The following PTPRD variants were observed in gnomAD, a reference collection of about 807,000 sequenced individuals.
The protein encoded by PTPRD is receptor-type tyrosine-protein phosphatase delta.
Under a neutral mutation model 214.5 loss-of-function variants are expected in PTPRD, and 34 were observed. The ratio of observed to expected loss-of-function variants is 0.16; its 90% confidence interval spans 0.12 to 0.21. The LOEUF is 0.21. Ranked by LOEUF, PTPRD falls within the 10% of genes least tolerant of loss-of-function variation. The pLI is 1.00. For synonymous variants in PTPRD, 1,128 were observed against 845.7 expected, an observed-to-expected ratio of 1.33 and a Z score of -5.79; for missense variants, 2,545 against 2,398.7, an observed-to-expected ratio of 1.06 and a Z score of -1.27.
intron 8 of PTPRD, among the ~76,000 whole-genome samples, chr9:9,430,432 G>A (rs902870520): frequency 2.0e-5 from 3 of 151,792 alleles, no homozygotes; most frequent in African/African-American, 7.3e-5. Flanking sequence ...AACATTCCAT[G>A]TTCATGGACA....
intron 35 of PTPRD, among the ~76,000 whole-genome samples, chr9:8,416,452 T>C (rs2093943257): frequency 6.6e-6 from 1 of 152,198 alleles, no homozygotes; most frequent in Non-Finnish European, 1.5e-5. Context: ...TTGAACTACT[T>C]TCCAGGAAGA....
chr9:9,493,254 T>A (rs2096002804), intron 8 of PTPRD, among the ~76,000 whole-genome samples: 1 of 152,118 alleles, frequency 6.6e-6, no homozygotes, highest in South Asian at 2.1e-4. Flanking sequence ...AAAGCCTGTA[T>A]GACAACACAT....
At chr9:9,825,602 T>C (rs10816192) in intron 5 of PTPRD, among the ~76,000 whole-genome samples, 15,214 of 152,002 alleles carry the variant, frequency 0.1, 2,309 homozygotes, top group East Asian at 0.74. Flanking sequence ...ATTTTAAATG[T>C]TCACCATTAA....
At chr9:8,864,574 C>T (rs2098163161) in intron 11 of PTPRD, among the ~76,000 whole-genome samples, 2 of 152,176 alleles carry the variant, frequency 1.3e-5, no homozygotes, top group Non-Finnish European at 2.9e-5. Flanking sequence ...TTTAAAGGTT[C>T]TTTCTAACAG....
At chr9:9,399,250 T>C (rs901048104) in intron 8 of PTPRD, among the ~76,000 whole-genome samples, 17 of 151,968 alleles carry the variant, frequency 1.1e-4, no homozygotes, top group Non-Finnish European at 1.2e-4. Context: ...AAAGCACTGG[T>C]TTCTTAATTT....
chr9:8,417,423 C>T (rs901878744), intron 35 of PTPRD, among the ~76,000 whole-genome samples: 4 of 152,114 alleles, frequency 2.6e-5, no homozygotes, highest in Admixed American at 1.3e-4. Context: ...GCTGTATTGG[C>T]AGAAACTACT....
chr9:9,252,782 T>A (rs1213265672), intron 9 of PTPRD, among the ~76,000 whole-genome samples: 1 of 152,102 alleles, frequency 6.6e-6, no homozygotes, highest in Non-Finnish European at 1.5e-5. Context: ...GGGTTATTCA[T>A]TGCTGGGTAC....
intron 3 of PTPRD, among the ~76,000 whole-genome samples, chr9:10,305,117 T>C (rs987223938): frequency 6.6e-6 from 1 of 152,106 alleles, no homozygotes; most frequent in African/African-American, 2.4e-5. Context: ...TACAACCATC[T>C]GATCTTTGAC....
intron 5 of PTPRD, among the ~76,000 whole-genome samples, chr9:9,788,213 A>C (rs1310152520): frequency 6.6e-6 from 1 of 152,006 alleles, no homozygotes; most frequent in Non-Finnish European, 1.5e-5. Flanking sequence ...ACAAGCTCCT[A>C]GTCAAATTTT....
chr9:8,643,170 T>C (rs1232552466), intron 12 of PTPRD, among the ~76,000 whole-genome samples: 1 of 152,214 alleles, frequency 6.6e-6, no homozygotes, highest in African/African-American at 2.4e-5. Context: ...AAATTTGATT[T>C]AAGAAGCATT....
intron 3 of PTPRD, among the ~76,000 whole-genome samples, chr9:10,293,265 T>C (rs772222019): frequency 5.3e-5 from 8 of 151,852 alleles, no homozygotes; most frequent in African/African-American, 9.7e-5. Context: ...AGAAAAAAAA[T>C]TGGAAAAATC....
At chr9:8,998,994 T>A (rs969589762) in intron 11 of PTPRD, among the ~76,000 whole-genome samples, 2 of 152,058 alleles carry the variant, frequency 1.3e-5, no homozygotes, top group Non-Finnish European at 2.9e-5. Flanking sequence ...AGTCCCATGA[T>A]AAAGTTTAAT....
intron 11 of PTPRD, among the ~76,000 whole-genome samples, chr9:8,786,341 G>T (rs1415376551): frequency 3.3e-5 from 5 of 151,098 alleles, no homozygotes; most frequent in Admixed American, 3.3e-4. Flanking sequence ...ATTTTTGCAG[G>T]TATTAGGCAC....
At chr9:8,534,396 T>C (rs577388822) in intron 14 of PTPRD, among the ~76,000 whole-genome samples, 3 of 151,908 alleles carry the variant, frequency 2.0e-5, no homozygotes, top group African/African-American at 7.2e-5. Context: ...ACCACTCAGT[T>C]TTTTTGTTGA....
chr9:8,976,460 T>C (rs932651227), intron 11 of PTPRD, among the ~76,000 whole-genome samples: 1 of 152,066 alleles, frequency 6.6e-6, no homozygotes, highest in African/African-American at 2.4e-5. Context: ...TAATTAGAAG[T>C]CCATTTTAGC....
At chr9:10,589,064 G>T (rs1402114118) in intron 2 of PTPRD, among the ~76,000 whole-genome samples, 2 of 151,992 alleles carry the variant, frequency 1.3e-5, no homozygotes, top group East Asian at 3.9e-4. Context: ...CCAAATAATT[G>T]CATAGAGTTG....
intron 10 of PTPRD, among the ~76,000 whole-genome samples, chr9:9,099,888 G>C (rs1226048009): frequency 6.6e-6 from 1 of 152,146 alleles, no homozygotes. Context: ...ACACTGAAGG[G>C]TGAGGAAGCA....
At chr9:9,568,094 A>G (rs988841371) in intron 8 of PTPRD, among the ~76,000 whole-genome samples, 1 of 151,862 alleles carries the variant, frequency 6.6e-6, no homozygotes, top group African/African-American at 2.4e-5. Context: ...GTCCCTGATT[A>G]TGTCATTGAG....
At chr9:8,710,398 T>C (rs927871776) in intron 12 of PTPRD, among the ~76,000 whole-genome samples, 2 of 152,212 alleles carry the variant, frequency 1.3e-5, no homozygotes, top group South Asian at 2.1e-4. Flanking sequence ...GGTGGGTCAC[T>C]TGAGCCCATG....
Sources: allele counts gnomAD v4.1 joint callset (sites outside exome capture counted in the v4.1 genomes callset), GRCh38; gene constraint gnomAD v4.1.1; transcripts MANE v1.5; gene names NCBI Gene and HGNC (gene_info 2026-07-23, HGNC 2026-07-21).